The following SLX4IP variants were observed in gnomAD, a reference collection of about 807,000 sequenced individuals.
SLX4IP encodes SLX4 interacting protein.
A neutral mutation model predicts 32.9 loss-of-function variants in SLX4IP; 34 were observed. The ratio of observed to expected loss-of-function variants is 1.03; its 90% CI spans 0.79 to 1.38. The LOEUF is 1.38. Ranked by LOEUF, SLX4IP falls within the 40% of genes most tolerant of loss-of-function variation. The pLI is 0.00. For missense variants in SLX4IP, 444 were observed against 479.0 expected (o/e 0.93, Z 0.68); for synonymous variants, 172 against 171.7 (o/e 1.00, Z -0.01).
intron 1 of SLX4IP, among the ~76,000 whole-genome samples, chr20:10,440,432 G>A (rs558988177): frequency 2.6e-5 from 4 of 151,756 alleles, no homozygotes; most frequent in Non-Finnish European, 5.9e-5. Context: ...TTTAGCCTGG[G>A]TGACACAGTG....
intron 5 of SLX4IP, among the ~76,000 whole-genome samples, chr20:10,600,234 A>G (rs1009484973): frequency 3.3e-5 from 5 of 152,186 alleles, no homozygotes; most frequent in African/African-American, 9.6e-5. Context: ...CTAGCCAGAT[A>G]TCATATGCCC....
chr20:10,438,158 A>G (rs891179829), intron 1 of SLX4IP, among the ~76,000 whole-genome samples: 1 of 152,096 alleles, frequency 6.6e-6, no homozygotes, highest in Non-Finnish European at 1.5e-5. Flanking sequence ...TTTTCGGGAT[A>G]TGAACTTGTT....
intron 2 of SLX4IP, among the ~76,000 whole-genome samples, chr20:10,553,399 CT>C (rs1346771510): frequency 1.3e-5 from 2 of 152,150 alleles, no homozygotes; most frequent in Admixed American, 6.5e-5. Context: ...AATTGGTTTT[CT>C]TGTTAATCCT....
At chr20:10,502,880 G>T (rs530524384) in intron 2 of SLX4IP, among the ~76,000 whole-genome samples, 46 of 152,096 alleles carry the variant, frequency 3.0e-4, no homozygotes, top group African/African-American at 1.1e-3. Flanking sequence ...ATAATGTCTG[G>T]CACATAATAG....
At chr20:10,614,993 G>A (rs116348972) in intron 6 of SLX4IP, among the ~76,000 whole-genome samples, 3,535 of 152,000 alleles carry the variant, frequency 0.023, 103 homozygotes, top group African/African-American at 0.069. Context: ...CATTGATCAC[G>A]TACTATAATG....
At chr20:10,565,790 C>CGGGA (rs1345706457) in intron 4 of SLX4IP, among the ~76,000 whole-genome samples, 2 of 152,134 alleles carry the variant, frequency 1.3e-5, no homozygotes, top group African/African-American at 4.8e-5. Context: ...CCTGACTTTC[C>CGGGA]CAACTACAAA....
At chr20:10,460,133 G>A (rs754216359) in intron 2 of SLX4IP, among the ~76,000 whole-genome samples, 10 of 152,062 alleles carry the variant, frequency 6.6e-5, no homozygotes, top group Non-Finnish European at 1.5e-4. Context: ...TTCACTATTT[G>A]TGTGTCTAAA....
chr20:10,515,153 C>T (rs575473314), intron 2 of SLX4IP, among the ~76,000 whole-genome samples: 19 of 131,322 alleles, frequency 1.4e-4, no homozygotes, highest in Admixed American at 3.9e-4. Flanking sequence ...GGTGCAATCT[C>T]GACTCACTGC....
At chr20:10,502,674 T>A (rs1356727196) in intron 2 of SLX4IP, among the ~76,000 whole-genome samples, 1 of 151,908 alleles carries the variant, frequency 6.6e-6, no homozygotes, top group Non-Finnish European at 1.5e-5. Flanking sequence ...CCCCATTTAC[T>A]CTGTTAACTG....
At chr20:10,518,652 C>A (rs138941600) in intron 2 of SLX4IP, among the ~76,000 whole-genome samples, 6 of 151,832 alleles carry the variant, frequency 4.0e-5, no homozygotes, top group African/African-American at 1.5e-4. Flanking sequence ...CAGCTCACTG[C>A]GACCTCCAGG....
intron 2 of SLX4IP, among the ~76,000 whole-genome samples, chr20:10,517,333 A>C (rs559740650): frequency 5.9e-5 from 9 of 152,324 alleles, no homozygotes; most frequent in African/African-American, 2.2e-4. Flanking sequence ...GAGAGGAGGG[A>C]CCAGATTGAA....
At chr20:10,580,145 C>G (rs1048520946) in intron 4 of SLX4IP, among the ~76,000 whole-genome samples, 3 of 152,296 alleles carry the variant, frequency 2.0e-5, no homozygotes, top group Middle Eastern at 6.8e-3. Context: ...CAAGGTATGA[C>G]TGAGGGCACT....
At chr20:10,517,226 A>G (rs532640705) in intron 2 of SLX4IP, among the ~76,000 whole-genome samples, 10 of 152,320 alleles carry the variant, frequency 6.6e-5, no homozygotes, top group South Asian at 2.1e-4. Context: ...CACAGGGTCA[A>G]TGTCAATATC....
chr20:10,451,633 C>G (rs1304933202), intron 1 of SLX4IP, among the ~76,000 whole-genome samples: 1 of 152,070 alleles, frequency 6.6e-6, no homozygotes, highest in African/African-American at 2.4e-5. Context: ...TTTTATATAG[C>G]TCACATGTTG....
chr20:10,620,679 A>C (rs2067099201), intron 6 of SLX4IP, among the ~76,000 whole-genome samples: 2 of 151,808 alleles, frequency 1.3e-5, no homozygotes, highest in African/African-American at 4.8e-5. Flanking sequence ...TCAACCTCCC[A>C]AGTAGCTGGG....
At chr20:10,531,865 G>A (rs765706231) in intron 2 of SLX4IP, among the ~76,000 whole-genome samples, 7 of 152,232 alleles carry the variant, frequency 4.6e-5, no homozygotes, top group Admixed American at 6.5e-5. Context: ...CAAACATGGT[G>A]TATCAGAGGA....
intron 2 of SLX4IP, among the ~76,000 whole-genome samples, chr20:10,547,515 A>C (rs1169085164): frequency 6.6e-6 from 1 of 152,196 alleles, no homozygotes; most frequent in Non-Finnish European, 1.5e-5. Flanking sequence ...CTAGTCATCC[A>C]TTTGCAACCA....
chr20:10,467,629 AT>A (rs1157456118), intron 2 of SLX4IP, among the ~76,000 whole-genome samples: 1 of 152,208 alleles, frequency 6.6e-6, no homozygotes, highest in African/African-American at 2.4e-5. Flanking sequence ...CTGTTTTCCC[AT>A]TCAGTATCAT....
intron 1 of SLX4IP, among the ~76,000 whole-genome samples, chr20:10,436,371 T>A (rs2065114433): frequency 6.6e-6 from 1 of 152,198 alleles, no homozygotes; most frequent in Non-Finnish European, 1.5e-5. Flanking sequence ...TTTCTTTTTT[T>A]TTTTAGATGG....
Sources: gnomAD v4.1 joint callset for allele counts (sites outside exome capture counted in the v4.1 genomes callset) on GRCh38, gnomAD v4.1.1 for gene constraint, MANE v1.5 for transcripts, NCBI Gene and HGNC (gene_info 2026-07-23, HGNC 2026-07-21) for gene names.